REPS1: variants seen among roughly 807,000 people sequenced by gnomAD.
The protein encoded by REPS1 is RALBP1 associated Eps domain containing 1.
Under a neutral mutation model 100.9 loss-of-function variants are expected in REPS1, and 39 were observed. That is an observed-to-expected ratio of 0.39 (90% CI 0.30 to 0.50). The LOEUF (loss-of-function observed/expected upper bound fraction) is 0.50, where lower values mean the gene tolerates loss of function less well. REPS1 is among the 20% of genes least tolerant of loss of function. The probability of loss-of-function intolerance (pLI) is 0.86; values close to 1 mark genes in which losing one functional copy is unlikely to be tolerated. For synonymous variants in REPS1, 324 were observed against 340.3 expected, an observed-to-expected ratio of 0.95 and a Z score of 0.53; for missense variants, 821 against 968.5, an observed-to-expected ratio of 0.85 and a Z score of 2.02.
chr6:138,971,429 G>A (rs1433406369), intron 1 of REPS1, among the ~76,000 whole-genome samples: 1 of 151,812 alleles, frequency 6.6e-6, no homozygotes, highest in East Asian at 1.9e-4. Flanking sequence ...TTGCAGCCAG[G>A]CACACTGGAA....
intron 8 of REPS1, among the ~76,000 whole-genome samples, chr6:138,939,125 A>G (rs751405452): frequency 1.3e-5 from 2 of 152,234 alleles, no homozygotes; most frequent in Non-Finnish European, 2.9e-5. Flanking sequence ...GATAGGTGGA[A>G]GAAAAATGAT....
chr6:138,926,575 C>T, intron 9 of REPS1, 94 bp from the exon 10 acceptor site: 1 of 813,926 alleles, frequency 1.2e-6, no homozygotes, highest in South Asian at 1.5e-5. Flanking sequence ...AGAGGTTGCA[C>T]TGCAAGTTGT....
rs568626153 is a variant in REPS1, at chr6:138,979,180, C to CAAAAAAAAAA, written c.153+8340_153+8349dup. ...TGGGCGACAGAGCGAGAATCCATCA[C>CAAAAAAAAAA]AAAAAAAAAAAAAAAAACAAAAAAA... On this transcript the variant is annotated intron_variant, in intron 1 of 19. Transcript: ENST00000450536. Among the ~76,000 whole-genome samples the CAAAAAAAAAA allele has an allele frequency of 1.2e-3, 72 of 59,310 alleles. 2 individuals carry two copies. Among genetic ancestry groups the CAAAAAAAAAA allele is most frequent in the Non-Finnish European group, 1.5e-3 (50 of 34,350 alleles). 38.9% of individuals were successfully genotyped at this position (59,310 alleles called of 152,430 possible). A position where few individuals can be genotyped will look rare whatever the true frequency, so the allele number is the denominator to read the frequency against.
intron 1 of REPS1, among the ~76,000 whole-genome samples, chr6:138,986,016 T>C (rs534213906): frequency 6.6e-6 from 1 of 152,364 alleles, no homozygotes; most frequent in South Asian, 2.1e-4. Context: ...GAGCATGTTC[T>C]GACCAGATCT....
intron 1 of REPS1, among the ~76,000 whole-genome samples, chr6:138,979,180 C>CAAAAA (rs568626153): frequency 0.015 from 894 of 59,242 alleles, 94 homozygotes; most frequent in African/African-American, 0.053. Context: ...GAATCCATCA[C>CAAAAA]AAAAAAAAAA....
chr6:138,941,501 G>T lies in REPS1; in HGVS notation c.981-12C>A. The T allele has an allele frequency of 6.2e-7, 1 of 1,610,492 alleles. No homozygotes were observed. Among genetic ancestry groups the T allele is most frequent in the Non-Finnish European group, 8.5e-7 (1 of 1,177,426 alleles). ...AGTCTGAGAGTTCCCTAGAAGATAA[G>T]TTTATTGTGAATATAATCACATTCC... is the stretch of plus-strand genomic sequence containing the variant. On this transcript the variant is annotated splice_polypyrimidine_tract_variant and intron_variant, in intron 7 of 19. Transcript: ENST00000450536.
chr6:138,955,280 T>C (rs1783301091), intron 1 of REPS1, among the ~76,000 whole-genome samples: 1 of 151,912 alleles, frequency 6.6e-6, no homozygotes, highest in Admixed American at 6.6e-5. Context: ...TGAGACCCTG[T>C]CTCTACAAGA....
intron 1 of REPS1, among the ~76,000 whole-genome samples, chr6:138,962,887 A>G (rs751486427): frequency 2.0e-5 from 3 of 152,168 alleles, no homozygotes; most frequent in Non-Finnish European, 2.9e-5. Context: ...ATTTATGATT[A>G]ATTTTTCTGC....
At chr6:138,947,035 G>GCTCTCT (rs10581264) in intron 2 of REPS1, among the ~76,000 whole-genome samples, 1,755 of 137,644 alleles carry the variant, frequency 0.013, 26 homozygotes, top group South Asian at 0.02. Context: ...ATTCCCCCTT[G>GCTCTCT]CTCTCTCTCT....
intron 10 of REPS1, among the ~76,000 whole-genome samples, chr6:138,924,205 T>C (rs1040045679): frequency 1.2e-4 from 18 of 152,280 alleles, no homozygotes; most frequent in African/African-American, 4.1e-4. Flanking sequence ...ATAAAATAAA[T>C]ATTTCTAGGC....
intron 1 of REPS1, among the ~76,000 whole-genome samples, chr6:138,980,664 C>CT (rs57774339): frequency 2.1e-3 from 95 of 45,018 alleles, no homozygotes; most frequent in East Asian, 0.017. Flanking sequence ...TTCTTTTTTC[C>CT]TTTTTTTTTT....
In REPS1 at chr6:138,987,754, G is replaced by C; in HGVS notation, c.-72C>G. The C allele has an allele frequency of 7.0e-7, 1 of 1,419,768 alleles. No homozygotes were observed. The highest frequency in any genetic ancestry group is 9.2e-7 in the Non-Finnish European group (1 of 1,084,584). The allele number at this position is 1,419,768 out of a possible 1,614,324, so 87.9% of individuals were successfully genotyped here. A position where few individuals can be genotyped will look rare whatever the true frequency, so the allele number is the denominator to read the frequency against. Reference sequence around the variant, plus strand: ...GGCCCGGCCCCAGGAACCTGGGCCGGCAGGGGCTGCGCGTGGCCCGGCCTC... The same window carrying C: ...GGCCCGGCCCCAGGAACCTGGGCCGCCAGGGGCTGCGCGTGGCCCGGCCTC... On this transcript the variant is annotated 5_prime_UTR_variant, in exon 1 of 20. Coordinates refer to ENST00000450536, the MANE Select transcript of REPS1 (RefSeq NM_001286611.2).
intron 1 of REPS1, among the ~76,000 whole-genome samples, chr6:138,972,146 G>C (rs1386129840): frequency 6.6e-6 from 1 of 152,102 alleles, no homozygotes; most frequent in African/African-American, 2.4e-5. Context: ...TAGGCAGGAG[G>C]GAAACTGGTC....
At chr6:138,934,875 GA>G (rs1200335146) in intron 8 of REPS1, among the ~76,000 whole-genome samples, 2 of 152,042 alleles carry the variant, frequency 1.3e-5, no homozygotes, top group Non-Finnish European at 2.9e-5. Context: ...ATTCTTGTAA[GA>G]AAAAAATACG....
At chr6:138,916,794 T>C (rs1290685578) in intron 13 of REPS1, among the ~76,000 whole-genome samples, 1 of 152,168 alleles carries the variant, frequency 6.6e-6, no homozygotes, top group East Asian at 1.9e-4. Context: ...TACCAAAGTC[T>C]TTCATATTCT....
At chr6:138,970,630 A>C (rs1352933752) in intron 1 of REPS1, among the ~76,000 whole-genome samples, 1 of 152,028 alleles carries the variant, frequency 6.6e-6, no homozygotes, top group Non-Finnish European at 1.5e-5. Context: ...AAAAATACCC[A>C]AAAAAAGGCC....
chr6:138,947,097 C>T (rs1235222630), intron 2 of REPS1, among the ~76,000 whole-genome samples: 2 of 146,696 alleles, frequency 1.4e-5, no homozygotes, highest in Admixed American at 6.8e-5. Flanking sequence ...ATAAGATGTG[C>T]CTTGCTTTCC....
rs1371026838 is a variant in REPS1, at chr6:138,945,663, T to C, written c.312A>G (p.Ser104=). The C allele has an allele frequency of 3.1e-6, 5 of 1,609,644 alleles. No individual in the cohort carries two copies. The highest frequency in any genetic ancestry group is 4.2e-6 in the Non-Finnish European group (5 of 1,178,518). The part of the protein sequence containing the change: ...KDLPLPRFVA[S]KNEQESRHAA... ...CATGGCGAGATTCCTGTTCATTCTT[T>C]GAAGCAACAAATCTTGGCAGAGGAA... Residue 104 remains serine, a synonymous_variant, in exon 3 of 20, where the codon TCA becomes TCG. Coordinates refer to ENST00000450536, the MANE Select transcript of REPS1 (RefSeq NM_001286611.2).
intron 8 of REPS1, among the ~76,000 whole-genome samples, chr6:138,931,080 T>C (rs1190030519): frequency 1.3e-5 from 2 of 152,158 alleles, no homozygotes; most frequent in Admixed American, 1.3e-4. Context: ...GGTTTAGAAC[T>C]CATATCAAAA....
Sources: gnomAD v4.1 joint callset for allele counts (sites outside exome capture counted in the v4.1 genomes callset) on GRCh38, gnomAD v4.1.1 for gene constraint, MANE v1.5 for transcripts, NCBI Gene and HGNC (gene_info 2026-07-23, HGNC 2026-07-21) for gene names.